PIN4: variants seen among roughly 807,000 people sequenced by gnomAD.
PIN4 encodes the protein peptidyl-prolyl cis-trans isomerase NIMA-interacting 4.
PIN4 carries 3 observed loss-of-function variants against 8.3 expected under a neutral mutation model. The ratio of observed to expected loss-of-function variants is 0.36; its 90% CI spans 0.16 to 0.93. The LOEUF (loss-of-function observed/expected upper bound fraction) is 0.93. Ranked by LOEUF, PIN4 falls within the 40% of genes least tolerant of loss-of-function variation. PIN4 has a pLI of 0.44. For missense variants in PIN4, 75 were observed against 100.6 expected, an observed-to-expected ratio of 0.75 and a Z score of 1.09; for synonymous variants, 18 against 32.5, an observed-to-expected ratio of 0.55 and a Z score of 1.52.
intron 3 of PIN4, 151 bp downstream of exon 3, chrX:72,197,055 A>T (rs2042770437): frequency 1.8e-6 from 1 of 564,473 alleles, no homozygotes; most frequent in Non-Finnish European, 2.7e-6. Flanking sequence ...GGTTGTAGCG[A>T]TATTTTGGTT....
At chrX:72,197,079 AGC>A (rs762979053) in intron 3 of PIN4, 175 bp downstream of exon 3, 7 of 497,097 alleles carry the variant, frequency 1.4e-5, no homozygotes, top group Non-Finnish European at 2.3e-5. Context: ...AGATCTCAAA[AGC>A]AGAAATGTCC....
intron 3 of PIN4, among the ~76,000 whole-genome samples, chrX:72,220,923 C>A (rs1248753104): frequency 8.9e-6 from 1 of 111,856 alleles, no homozygotes; most frequent in Non-Finnish European, 1.9e-5. Flanking sequence ...GGGGCAGAGG[C>A]TCTCTTGCAA....
chrX:72,251,965 A>T (rs1427407316), intron 3 of PIN4, among the ~76,000 whole-genome samples: 1 of 111,387 alleles, frequency 9.0e-6, no homozygotes, highest in Non-Finnish European at 1.9e-5. Flanking sequence ...AAATAAAAAA[A>T]ACAAACGAAC....
chrX:72,246,946 C>T (rs1343094572), intron 3 of PIN4, among the ~76,000 whole-genome samples: 1 of 112,060 alleles, frequency 8.9e-6, no homozygotes, highest in African/African-American at 3.2e-5. Context: ...GTTATACCCT[C>T]GCAGAGCTCA....
At chrX:72,191,809 C>T (rs7890052) in intron 2 of PIN4, among the ~76,000 whole-genome samples, 27,882 of 110,810 alleles carry the variant, frequency 0.25, 2,716 homozygotes, top group East Asian at 0.5. Flanking sequence ...TTTTTCAAAC[C>T]GTGTTCTGAA....
rs774679844 is a variant in PIN4, at chrX:72,181,783, A to G, written c.-3A>G. The G allele has an allele frequency of 5.0e-6, 6 of 1,199,781 alleles. No individual in the cohort carries two copies. In the East Asian group the frequency reaches 1.2e-4, roughly 24 times the overall value. On this transcript the variant is annotated 5_prime_UTR_variant, in exon 1 of 4. Coordinates refer to ENST00000373669, the MANE Select transcript of PIN4 (RefSeq NM_006223.4). ...GTTCAGCGTTCAACAACAAGCTTCC[A>G]AGATGCCGCCCAAAGGAAAAAGTGG...
intron 3 of PIN4, among the ~76,000 whole-genome samples, chrX:72,252,046 C>G (rs1302902387): frequency 8.9e-6 from 1 of 111,963 alleles, no homozygotes; most frequent in Non-Finnish European, 1.9e-5. Flanking sequence ...TCTGGTGAGG[C>G]CCTCTTCCTG....
chrX:72,191,047 T>C (rs920876282), intron 2 of PIN4, among the ~76,000 whole-genome samples: 1 of 109,643 alleles, frequency 9.1e-6, no homozygotes, highest in African/African-American at 3.3e-5. Flanking sequence ...GTCTCTGACT[T>C]TACCTAGGCC....
intron 2 of PIN4, among the ~76,000 whole-genome samples, chrX:72,189,037 T>C (rs2042718103): frequency 9.0e-6 from 1 of 111,601 alleles, no homozygotes; most frequent in South Asian, 3.8e-4. Context: ...TGGTCGTGTG[T>C]GCCTGTAGTC....
At chrX:72,235,995 G>A (rs2043015240) in intron 3 of PIN4, among the ~76,000 whole-genome samples, 1 of 112,331 alleles carries the variant, frequency 8.9e-6, no homozygotes, top group Admixed American at 9.4e-5. Flanking sequence ...TATGTAAGGA[G>A]AGAAGTGAGA....
intron 2 of PIN4, among the ~76,000 whole-genome samples, chrX:72,191,875 C>T (rs1004080422): frequency 4.5e-5 from 5 of 110,692 alleles, no homozygotes; most frequent in African/African-American, 3.3e-5. Context: ...TGTCTTCAAC[C>T]GGTTTTTTTT....
rs369067469 is a variant in PIN4 at position 72,238,931 on chromosome X, A to C, written c.313-23776A>C. 5 of 1,171,975 alleles carry C rather than the reference A, an allele frequency of 4.3e-6. No homozygotes were observed. The African/African-American group carries it at 5.3e-5, about 12-fold the overall frequency. Reference sequence around the variant, plus strand: ...CTCCATGACCCTCGGATTGGGTTCCAGTTACCCCGGCGGGAGTTTGGAGCT... The same window carrying C: ...CTCCATGACCCTCGGATTGGGTTCCCGTTACCCCGGCGGGAGTTTGGAGCT... On this transcript the variant is annotated intron_variant, in intron 3 of 3. Coordinates refer to the PIN4 transcript ENST00000423432.
intron 3 of PIN4, chrX:72,205,385 C>T (rs142136151): frequency 0.018 from 21,537 of 1,210,615 alleles, 156 homozygotes; most frequent in Non-Finnish European, 0.022. Flanking sequence ...ACCCCTTCTT[C>T]TGGATAATCT....
At chrX:72,239,169 T>C in intron 3 of PIN4, 1 of 374,878 alleles carries the variant, frequency 2.7e-6, no homozygotes. Flanking sequence ...AAGCAGAAGG[T>C]GATCTCTGCC....
At chrX:72,205,907 T>C (rs2042816165) in intron 3 of PIN4, 1 of 1,211,149 alleles carries the variant, frequency 8.3e-7, no homozygotes, top group Admixed American at 2.2e-5. Context: ...AAGAAAAGAT[T>C]GAAATCACAT....
Position 72,214,682 on chromosome X carries a change from A to C in PIN4, c.312+17778A>C, listed in dbSNP as rs186737768. Among the ~76,000 whole-genome samples, 283 of 107,153 alleles carry C rather than the reference A, an allele frequency of 2.6e-3. 4 individuals are homozygous for C. The highest frequency in any genetic ancestry group is 9.4e-3 in the African/African-American group (275 of 29,258). 93.0% of individuals were successfully genotyped at this position (107,153 alleles called of 115,157 possible). ...AGTGAGACTCCATCTCAAAAAAAAA[A>C]AAAAAAACAAAACAAAAGTTTAGGC... On this transcript the variant is annotated intron_variant, in intron 3 of 3. Transcript: ENST00000423432.
intron 3 of PIN4, among the ~76,000 whole-genome samples, chrX:72,204,412 C>T (rs1374678612): frequency 8.9e-6 from 1 of 111,829 alleles, no homozygotes; most frequent in Non-Finnish European, 1.9e-5. Context: ...CTAACAGAAT[C>T]TCTTTTCTCT....
At chrX:72,206,167 T>C (rs1264226223) in intron 3 of PIN4, 1 of 1,210,311 alleles carries the variant, frequency 8.3e-7, no homozygotes, top group Non-Finnish European at 1.1e-6. Context: ...GCTAAGTACA[T>C]AATTAAAACT....
chrX:72,185,148 A>AAAAAAAAAAC (rs2042694064), intron 1 of PIN4, among the ~76,000 whole-genome samples: 1 of 18,069 alleles, frequency 5.5e-5, no homozygotes, highest in Non-Finnish European at 1.1e-4. Context: ...ACTCCGTCTC[A>AAAAAAAAAAC]AAAAAAAAAA....
Sources: allele counts gnomAD v4.1 joint callset (sites outside exome capture counted in the v4.1 genomes callset), GRCh38; gene constraint gnomAD v4.1.1; transcripts MANE v1.5; gene names NCBI Gene and HGNC (gene_info 2026-07-23, HGNC 2026-07-21).